Variants in PRRG4 observed in about 807,000 individuals in gnomAD.
PRRG4 encodes proline rich and Gla domain 4.
In PRRG4, 12 loss-of-function variants were observed where a neutral mutation model predicts 20.0. That is an observed-to-expected ratio of 0.60 (90% confidence interval 0.38 to 0.97). The LOEUF (loss-of-function observed/expected upper bound fraction) is 0.97, where lower values mean the gene tolerates loss of function less well. Ranked by LOEUF, PRRG4 falls within the 50% of genes least tolerant of loss-of-function variation. The probability of loss-of-function intolerance (pLI) is 0.00; values close to 1 mark genes in which losing one functional copy is unlikely to be tolerated. For missense variants in PRRG4, 199 were observed against 265.1 expected (o/e 0.75, Z 1.73); for synonymous variants, 94 against 96.4 (o/e 0.98, Z 0.15).
chr11:32,852,791 T>A (rs932598431), intron 5 of PRRG4, among the ~76,000 whole-genome samples: 1 of 149,016 alleles, frequency 6.7e-6, no homozygotes, highest in East Asian at 2.0e-4. Context: ...TTTTTTTTTT[T>A]AGATGGAGTC....
intron 3 of PRRG4, among the ~76,000 whole-genome samples, chr11:32,837,613 A>C (rs1851036602): frequency 6.7e-6 from 1 of 150,260 alleles, no homozygotes; most frequent in Admixed American, 6.7e-5. Context: ...GCTGGAGTGC[A>C]GTGGAGCAAT....
In PRRG4 at chr11:32,840,307, A is replaced by G. The variant is rs1274359682; in HGVS notation, c.449+68A>G. On this transcript the variant is annotated intron_variant, in intron 5 of 5. Coordinates refer to ENST00000257836, the MANE Select transcript of PRRG4 (RefSeq NM_024081.6). This position sits in a 1 kb window ranked among gnomAD's most constrained non-coding sequence, Gnocchi z 4.1. ...TATATTATTATTTTAACAATGGGTC[A>G]AGCAAATGGCTGCCTATTTTCTTAA... is the stretch of plus-strand genomic sequence containing the variant. 8 of 1,161,898 alleles carry G rather than the reference A, an allele frequency of 6.9e-6. No homozygotes were observed. Among genetic ancestry groups the G allele is most frequent in the Non-Finnish European group, 6.2e-6 (5 of 809,280 alleles). The allele number at this position is 1,161,898 out of a possible 1,614,324, so 72.0% of individuals were successfully genotyped here. A position where few individuals can be genotyped will look rare whatever the true frequency, so the allele number is the denominator to read the frequency against.
At position 32,839,971 on chromosome 11, in the gene PRRG4, C is replaced by T. The variant is rs546664822; in HGVS notation, c.317-136C>T. On this transcript the variant is annotated intron_variant, in intron 4 of 5. Coordinates refer to ENST00000257836, the MANE Select transcript of PRRG4 (RefSeq NM_024081.6). ...AATTTTTTTCAGGTAGATTCTCTAG[C>T]ACAAAGACTTGAAAGAAGTCAACAT... is the stretch of plus-strand genomic sequence containing the variant. 23 of 488,430 alleles carry T rather than the reference C, an allele frequency of 4.7e-5. No individual in the cohort carries two copies. The Admixed American group carries it at 7.0e-4, about 15-fold the overall frequency. The allele number at this position is 488,430 out of a possible 1,614,324, so 30.3% of individuals were successfully genotyped here. A position where few individuals can be genotyped will look rare whatever the true frequency, so the allele number is the denominator to read the frequency against.
intron 5 of PRRG4, among the ~76,000 whole-genome samples, chr11:32,853,083 C>T (rs113855589): frequency 0.028 from 4,222 of 151,974 alleles, 79 homozygotes; most frequent in South Asian, 0.039. Flanking sequence ...CCACCACGCC[C>T]GGCCCAGGAT....
intron 5 of PRRG4, among the ~76,000 whole-genome samples, chr11:32,846,844 A>G (rs1199972404): frequency 6.6e-6 from 1 of 152,038 alleles, no homozygotes. Context: ...CTAAAAATAC[A>G]AAAATTAGCT....
At chr11:32,829,898 G>A (rs1314254306), upstream of PRRG4, 4 of 985,382 alleles carry the variant, frequency 4.1e-6, no homozygotes, top group Non-Finnish European at 4.8e-6. Context: ...GCGCGGCCAG[G>A]TGTCCCCAGG....
At position 32,849,814 on chromosome 11, in the gene PRRG4, T is replaced by G. The variant is rs894813604; in HGVS notation, c.450-3482T>G. 1.2e-4 allele frequency among the ~76,000 whole-genome samples: 19 copies of G among 152,332 alleles called. No homozygotes were observed. The East Asian group carries it at 3.3e-3, about 26-fold the overall frequency. ...AACATAAATGGTCATTCTAGCCCCA[T>G]GCTGGAATTCTTGAAAAGTTCCCCA... On this transcript the variant is annotated intron_variant, in intron 5 of 5. Transcript: ENST00000257836.
chr11:32,833,196 A>T (rs1239804365), intron 2 of PRRG4, among the ~76,000 whole-genome samples: 1 of 152,248 alleles, frequency 6.6e-6, no homozygotes, highest in Non-Finnish European at 1.5e-5. Context: ...CAGTGACAGA[A>T]TCAGAACTTG....
At chr11:32,843,262 A>C (rs1851096270) in intron 5 of PRRG4, among the ~76,000 whole-genome samples, 1 of 152,196 alleles carries the variant, frequency 6.6e-6, no homozygotes, top group Non-Finnish European at 1.5e-5. Flanking sequence ...GTCTTTAAAA[A>C]GATTTTATCC....
At chr11:32,836,582 C>T (rs1851021178) in intron 2 of PRRG4, 76 bp from the exon 3 acceptor site, 1 of 873,246 alleles carries the variant, frequency 1.1e-6, no homozygotes, top group East Asian at 2.6e-5. Flanking sequence ...GAACTATTCA[C>T]TTTTTTCCAC....
chr11:32,840,623 C>A lies in PRRG4; in HGVS notation c.449+384C>A, dbSNP rs1056066381. On this transcript the variant is annotated intron_variant, in intron 5 of 5. Coordinates refer to ENST00000257836, the MANE Select transcript of PRRG4 (RefSeq NM_024081.6). The surrounding 1 kb of genome is among the most constrained non-coding windows in gnomAD (Gnocchi z 4.1). The stretch of plus-strand genomic sequence containing the variant: ...TCCCAGTCTGTGGCAATTGTCTGGT[C>A]TCCTAATTTAACATTTACATAAACA... Among the ~76,000 whole-genome samples, 3 of 152,152 alleles carry A rather than the reference C, an allele frequency of 2.0e-5. No individual in the cohort carries two copies. The highest frequency in any genetic ancestry group is 7.2e-5 in the African/African-American group (3 of 41,440).
At chr11:32,848,983 A>AAAAC (rs57590065) in intron 5 of PRRG4, among the ~76,000 whole-genome samples, 28,977 of 149,778 alleles carry the variant, frequency 0.19, 3,171 homozygotes, top group East Asian at 0.53. Flanking sequence ...AAAAAAAAAA[A>AAAAC]AAGAATTTAA....
At chr11:32,829,906 A>T, upstream of PRRG4, 1 of 985,526 alleles carries the variant, frequency 1.0e-6, no homozygotes, top group Non-Finnish European at 1.2e-6. Context: ...AGGTGTCCCC[A>T]GGTAGCCGCC....
chr11:32,832,266 G>A lies in PRRG4; in HGVS notation c.103+1634G>A, dbSNP rs1464929083. 2.0e-5 allele frequency among the ~76,000 whole-genome samples: 3 copies of A among 152,288 alleles called. No individual in the cohort carries two copies. In the East Asian group the frequency reaches 5.8e-4, roughly 29 times the overall value. ...TGCCCTGGAGGACATCTTCATCTGTGTGGGAGGCAGGGTGTTTGTTAAACA... is the reference window on the plus strand; with the variant it reads ...TGCCCTGGAGGACATCTTCATCTGTATGGGAGGCAGGGTGTTTGTTAAACA... On this transcript the variant is annotated intron_variant, in intron 2 of 5. Coordinates refer to ENST00000257836, the MANE Select transcript of PRRG4 (RefSeq NM_024081.6).
In PRRG4 at chr11:32,838,893, G is replaced by T. The variant is rs1254000786; in HGVS notation, c.279G>T (p.Trp93Cys). Residue 93 changes from tryptophan to cysteine, a missense_variant, in exon 4 of 6, where the codon TGG (tryptophan) becomes TGT (cysteine). Physicochemically the swap from Trp to Cys is radical, Grantham distance 215. Coordinates refer to ENST00000257836, the MANE Select transcript of PRRG4 (RefSeq NM_024081.6). ...TACCTTTTTTTTAGATTGCATTTTG[G>T]CAGGAATATTCAGCTAAAGGACCAA... ...FVDEDKTIAF[W>C]QEYSAKGPTT... is the part of the protein sequence containing the mutation. 6.2e-7 allele frequency: 1 copy of T among 1,608,724 alleles called. No homozygotes were observed. Among genetic ancestry groups the T allele is most frequent in the Admixed American group, 1.7e-5 (1 of 59,916 alleles).
rs1851208255 is a variant in PRRG4, at chr11:32,853,994, A to C, written c.*467A>C. On this transcript the variant is annotated 3_prime_UTR_variant, in exon 6 of 6. Coordinates refer to ENST00000257836, the MANE Select transcript of PRRG4 (RefSeq NM_024081.6). The stretch of plus-strand genomic sequence containing the variant: ...AACTGCAAGGAATAAAGGAAGAATA[A>C]GTCCATGTACTGTACCACAGAAGTT... 1 of 172,834 alleles carries C rather than the reference A, an allele frequency of 5.8e-6. No homozygotes were observed. The highest frequency in any genetic ancestry group is 5.4e-5 in the Admixed American group (1 of 18,398). The allele number at this position is 172,834 out of a possible 1,614,324, so 10.7% of individuals were successfully genotyped here.
At chr11:32,837,198 C>T (rs1266402940) in intron 3 of PRRG4, among the ~76,000 whole-genome samples, 1 of 152,110 alleles carries the variant, frequency 6.6e-6, no homozygotes, top group East Asian at 1.9e-4. Context: ...ACTCAGGCTT[C>T]AATCATTTAT....
At chr11:32,853,149 CT>C (rs1200945974) in intron 5 of PRRG4, 146 bp from the exon 6 acceptor site, 4 of 623,328 alleles carry the variant, frequency 6.4e-6, no homozygotes, top group Non-Finnish European at 1.1e-5. Flanking sequence ...TGTACCAAGA[CT>C]TTCAGAGTCT....
At chr11:32,831,281 CCT>C (rs1850968664) in intron 2 of PRRG4, among the ~76,000 whole-genome samples, 1 of 151,922 alleles carries the variant, frequency 6.6e-6, no homozygotes, top group Non-Finnish European at 1.5e-5. Context: ...AAAAAAAAAG[CCT>C]CTGTCTCTCA....
Sources: gnomAD v4.1 joint callset for allele counts (sites outside exome capture counted in the v4.1 genomes callset) on GRCh38, gnomAD v4.1.1 for gene constraint, Gnocchi (gnomAD v3.1) non-coding constraint, MANE v1.5 for transcripts, NCBI Gene and HGNC (gene_info 2026-07-23, HGNC 2026-07-21) for gene names.